The following ZC3H4 variants were observed in gnomAD, a reference collection of about 807,000 sequenced individuals.
ZC3H4 encodes zinc finger CCCH-type containing 4.
In ZC3H4, 13 loss-of-function variants were observed where a neutral mutation model predicts 108.3. That is an observed-to-expected ratio of 0.12 (90% CI 0.08 to 0.19). The LOEUF (loss-of-function observed/expected upper bound fraction) is 0.19, where lower values mean the gene tolerates loss of function less well. ZC3H4 is among the 10% of genes least tolerant of loss of function. The probability of loss-of-function intolerance (pLI) is 1.00; values close to 1 mark genes in which losing one functional copy is unlikely to be tolerated. For missense variants in ZC3H4, 1,734 were observed against 1,838.8 expected, an observed-to-expected ratio of 0.94 and a Z score of 1.04; for synonymous variants, 917 against 749.6, an observed-to-expected ratio of 1.22 and a Z score of -3.65.
chr19:47,074,725 T>C (rs939569236), intron 11 of ZC3H4, among the ~76,000 whole-genome samples: 2 of 152,184 alleles, frequency 1.3e-5, no homozygotes, highest in African/African-American at 4.8e-5. Flanking sequence ...AGCAGCCTAG[T>C]GAAAACCCTG....
intron 11 of ZC3H4, among the ~76,000 whole-genome samples, chr19:47,076,721 G>A (rs774291541): frequency 7.9e-5 from 12 of 152,278 alleles, no homozygotes; most frequent in Middle Eastern, 6.8e-3. Context: ...CTGGCCGGGC[G>A]CAGTGGCTCA....
chr19:47,112,257 A>AGAGCGAGC, intron 2 of ZC3H4, 167 bp downstream of exon 2: 1 of 1,143,268 alleles, frequency 8.7e-7, no homozygotes. Flanking sequence ...CAAGCGAGAA[A>AGAGCGAGC]GAGCGAGCGA....
At chr19:47,098,227 G>A (rs1282250886) in intron 2 of ZC3H4, among the ~76,000 whole-genome samples, 1 of 152,196 alleles carries the variant, frequency 6.6e-6, no homozygotes, top group Non-Finnish European at 1.5e-5. Flanking sequence ...GTTCAGACCG[G>A]GTGTGGTGGC....
At chr19:47,109,619 C>T (rs1381277739) in intron 2 of ZC3H4, among the ~76,000 whole-genome samples, 5 of 152,134 alleles carry the variant, frequency 3.3e-5, no homozygotes, top group African/African-American at 4.8e-5. Context: ...TTCTTCCTCC[C>T]GTAACTGATT....
intron 2 of ZC3H4, 45 bp from the exon 3 acceptor site, chr19:47,094,653 G>A (rs1192463476): frequency 1.2e-6 from 2 of 1,602,854 alleles, no homozygotes; most frequent in South Asian, 2.2e-5. Context: ...GGTTTGAGAG[G>A]AGACCTCCTA....
In ZC3H4 at chr19:47,067,183, C is replaced by T. The variant is rs200339147; in HGVS notation, c.3085G>A (p.Ala1029Thr). 1.3e-5 allele frequency: 21 copies of T among 1,610,812 alleles called. No individual in the cohort carries two copies. The East Asian group carries it at 1.3e-4, about 10-fold the overall frequency. The change falls in exon 15 of 15, where the codon GCC becomes ACC. Residue 1029 changes from alanine (A) to threonine (T), a missense_variant. Coordinates refer to ENST00000253048, the MANE Select transcript of ZC3H4 (RefSeq NM_015168.2). The surrounding 1 kb of genome is among the most constrained non-coding windows in gnomAD (Gnocchi z 6.4). Reference sequence around the variant, plus strand: ...CCCTGTGTGCTGGAATCCGTGGAGGCGCCCGGGCGCTGCCGGGCGTTGGGG... The same window carrying T: ...CCCTGTGTGCTGGAATCCGTGGAGGTGCCCGGGCGCTGCCGGGCGTTGGGG... ...GPPNARQRPG[A>T]STDSSTQGAN...
rs767742277 is a variant in ZC3H4, at chr19:47,067,894, A to AG, written c.2399-26dup. On this transcript the variant is annotated intron_variant, in intron 14 of 14. Transcript: ENST00000253048. This position sits in a 1 kb window ranked among gnomAD's most constrained non-coding sequence, Gnocchi z 6.4. ...CCTGGGAAAGAACAGAGGAGCAGGGAGGGGTGAGTGGGCGCATCCACCACC... is the reference window on the plus strand; with the variant it reads ...CCTGGGAAAGAACAGAGGAGCAGGGAGGGGGTGAGTGGGCGCATCCACCACC... 1 of 1,561,274 alleles carries AG rather than the reference A, an allele frequency of 6.4e-7. No individual in the cohort carries two copies. The highest frequency in any genetic ancestry group is 1.9e-5 in the Admixed American group (1 of 53,066).
chr19:47,084,919 G>T, intron 8 of ZC3H4, 137 bp downstream of exon 8: 2 of 1,157,816 alleles, frequency 1.7e-6, no homozygotes, highest in Non-Finnish European at 2.5e-6. Flanking sequence ...CGCTGGTTAT[G>T]CTGGTCAACA....
At chr19:47,084,589 G>C (rs902968569) in intron 8 of ZC3H4, 134 bp from the exon 9 acceptor site, 4 of 823,558 alleles carry the variant, frequency 4.9e-6, no homozygotes, top group Non-Finnish European at 6.0e-6. Context: ...TGGGCAGGCT[G>C]CATCTAACAC....
At chr19:47,076,327 A>G (rs80010428) in intron 11 of ZC3H4, among the ~76,000 whole-genome samples, 280 of 11,668 alleles carry the variant, frequency 0.024, no homozygotes, top group East Asian at 0.051. Context: ...GCGCGCGCGC[A>G]CACACACACA....
In ZC3H4 at chr19:47,067,665, G is replaced by C; in HGVS notation, c.2603C>G (p.Pro868Arg). 1.2e-6 allele frequency: 2 copies of C among 1,601,674 alleles called. No homozygotes were observed. Among genetic ancestry groups the C allele is most frequent in the Non-Finnish European group, 1.7e-6 (2 of 1,176,234 alleles). Residue 868 changes from proline to arginine, a missense_variant, in exon 15 of 15, where the codon CCC becomes CGC. By Grantham distance (103) the Pro-to-Arg change is moderately radical (BLOSUM62 -2). Transcript: ENST00000253048. This position sits in a 1 kb window ranked among gnomAD's most constrained non-coding sequence, Gnocchi z 6.4. ...RLADPRLSRD[P>R]RLTRHVEASG... The stretch of plus-strand genomic sequence containing the variant: ...AGCCTCCACATGGCGGGTGAGTCTG[G>C]GGTCCCGGCTGAGGCGAGGGTCAGC...
rs372115183 is a variant in ZC3H4 at position 47,071,901 on chromosome 19, C to T, written c.2023G>A (p.Gly675Ser). ...CCAGAATGTGGGGAGTCTCCAGGGC[C>T]GTAGGGCATCATTGGAGGGCCGCCA... ...GPGGPPMMPY[G>S]PGDSPHSGMM... is the part of the protein sequence containing the mutation. Residue 675 changes from glycine (G) to serine (S), a missense_variant, in exon 13 of 15, where the codon GGC becomes AGC. Transcript: ENST00000253048. 27 of 1,612,308 alleles carry T rather than the reference C, an allele frequency of 1.7e-5. No homozygotes were observed. Among genetic ancestry groups the T allele is most frequent in the African/African-American group, 5.3e-5 (4 of 74,888 alleles).
At chr19:47,110,044 G>T (rs183284079) in intron 2 of ZC3H4, among the ~76,000 whole-genome samples, 2 of 152,248 alleles carry the variant, frequency 1.3e-5, no homozygotes, top group Admixed American at 1.3e-4. Flanking sequence ...ATGTGCTTTC[G>T]AACAAAGGAG....
chr19:47,068,754 G>C (rs569345654), intron 14 of ZC3H4, among the ~76,000 whole-genome samples: 1 of 152,192 alleles, frequency 6.6e-6, no homozygotes, highest in African/African-American at 2.4e-5. Context: ...TTGAGAACAC[G>C]GTAGGAAAAC....
chr19:47,070,990 C>T (rs2057315492), intron 13 of ZC3H4, among the ~76,000 whole-genome samples: 1 of 152,346 alleles, frequency 6.6e-6, no homozygotes, highest in Non-Finnish European at 1.5e-5. Context: ...CAGTTCAACA[C>T]AGCGCCCCCA....
rs765165502 is a variant in ZC3H4 at position 47,067,686 on chromosome 19, T to C, written c.2582A>G (p.Asp861Gly). ...KGHPTGSRLA[D>G]PRLSRDPRLT... Reference sequence around the variant, plus strand: ...TCTGGGGTCCCGGCTGAGGCGAGGGTCAGCCAGCCGGCTTCCTGTGGGGTG... The same window carrying C: ...TCTGGGGTCCCGGCTGAGGCGAGGGCCAGCCAGCCGGCTTCCTGTGGGGTG... The change falls in exon 15 of 15, where the codon GAC becomes GGC. Residue 861 changes from aspartate (D) to glycine (G), a missense_variant. Asp to Gly is a moderately conservative substitution (Grantham distance 94, BLOSUM62 -1). Coordinates refer to ENST00000253048, the MANE Select transcript of ZC3H4 (RefSeq NM_015168.2). The surrounding 1 kb of genome is among the most constrained non-coding windows in gnomAD (Gnocchi z 6.4). 1.3e-6 allele frequency: 2 copies of C among 1,599,162 alleles called. No individual in the cohort carries two copies. Among genetic ancestry groups the C allele is most frequent in the Admixed American group, 3.4e-5 (2 of 58,544 alleles).
At chr19:47,096,343 G>A (rs1369047287) in intron 2 of ZC3H4, among the ~76,000 whole-genome samples, 1 of 152,254 alleles carries the variant, frequency 6.6e-6, no homozygotes, top group African/African-American at 2.4e-5. Flanking sequence ...AATGGGGCGG[G>A]GGTGCAGGCT....
intron 11 of ZC3H4, among the ~76,000 whole-genome samples, chr19:47,075,327 GC>G (rs1208584041): frequency 7.9e-5 from 12 of 152,112 alleles, no homozygotes; most frequent in Non-Finnish European, 1.8e-4. Flanking sequence ...TGCTGGGAGG[GC>G]CCAGAGCCTT....
rs1235802499 is a variant in ZC3H4 at position 47,087,532 on chromosome 19, C to T, written c.716-994G>A. Among the ~76,000 whole-genome samples the T allele has an allele frequency of 4.0e-5, 6 of 151,688 alleles. No individual in the cohort carries two copies. In the East Asian group the frequency reaches 5.8e-4, roughly 15 times the overall value. On this transcript the variant is annotated intron_variant, in intron 5 of 14. Coordinates refer to ENST00000253048, the MANE Select transcript of ZC3H4 (RefSeq NM_015168.2). The stretch of plus-strand genomic sequence containing the variant: ...GGCAGATCACTTGAGAACAGGAGTT[C>T]GAAACAAGCCTGGCCAACATAGCAA...
Sources: allele counts gnomAD v4.1 joint callset (sites outside exome capture counted in the v4.1 genomes callset), GRCh38; gene constraint gnomAD v4.1.1; non-coding constraint Gnocchi (gnomAD v3.1); transcripts MANE v1.5; gene names NCBI Gene and HGNC (gene_info 2026-07-23, HGNC 2026-07-21).